The following SPON2 variants were observed in gnomAD, a reference collection of about 807,000 sequenced individuals.
SPON2 encodes spondin-2.
Under a neutral mutation model 29.9 loss-of-function variants are expected in SPON2, and 32 were observed. The observed-to-expected ratio is 1.07, with a 90% CI of 0.81 to 1.44. SPON2 has a LOEUF of 1.44. Among genes scored for constraint, SPON2 ranks in the 40% most tolerant of loss-of-function variants. The pLI is 0.00. For synonymous variants in SPON2, 248 were observed against 209.1 expected (o/e 1.19, Z -1.61); for missense variants, 541 against 455.5 (o/e 1.19, Z -1.71).
chr4:1,171,693 G>A (rs1356865723), intron 2 of SPON2, 159 bp downstream of exon 2: 11 of 768,618 alleles, frequency 1.4e-5, no homozygotes, highest in Non-Finnish European at 1.9e-5. Context: ...CCGCATCCCC[G>A]GAACCGCACA....
intron 1 of SPON2, among the ~76,000 whole-genome samples, chr4:1,194,741 C>T (rs951953180): frequency 6.6e-6 from 1 of 152,040 alleles, no homozygotes; most frequent in Non-Finnish European, 1.5e-5. Context: ...GAATGTGGGT[C>T]AGCGTTTCCA....
At chr4:1,203,265 C>G (rs1389046776) in intron 1 of SPON2, among the ~76,000 whole-genome samples, 1 of 152,204 alleles carries the variant, frequency 6.6e-6, no homozygotes, top group Non-Finnish European at 1.5e-5. Flanking sequence ...CCAGCTGTGC[C>G]CTCGCCCCCA....
chr4:1,190,731 A>T (rs1577907153), intron 1 of SPON2, among the ~76,000 whole-genome samples: 1 of 152,370 alleles, frequency 6.6e-6, no homozygotes, highest in East Asian at 1.9e-4. Context: ...ATCCATGCAA[A>T]AACATTGGAG....
At position 1,167,156 on chromosome 4, in the gene SPON2, C is replaced by T; in HGVS notation, c.*316G>A. ...GATGAAGGACAATCTCCTGGAGCAG[C>T]AATAACTTATAAGGAGACATAATTT... On this transcript the variant is annotated 3_prime_UTR_variant, in exon 6 of 6. Coordinates refer to ENST00000290902, the MANE Select transcript of SPON2 (RefSeq NM_012445.4). 1 of 286,072 alleles carries T rather than the reference C, an allele frequency of 3.5e-6. No individual in the cohort carries two copies. The highest frequency in any genetic ancestry group is 6.6e-6 in the Non-Finnish European group (1 of 152,460). The allele number at this position is 286,072 out of a possible 1,614,324, so 17.7% of individuals were successfully genotyped here.
intron 1 of SPON2, among the ~76,000 whole-genome samples, chr4:1,203,310 G>A (rs980200035): frequency 2.0e-5 from 3 of 152,204 alleles, no homozygotes; most frequent in Non-Finnish European, 2.9e-5. Context: ...CTGTGTCACC[G>A]TGGACCTGCC....
chr4:1,180,039 C>T (rs1013787307), intron 1 of SPON2, among the ~76,000 whole-genome samples: 1 of 152,014 alleles, frequency 6.6e-6, no homozygotes, highest in Non-Finnish European at 1.5e-5. Context: ...AAAATCCAAC[C>T]TATTTCTGAG....
chr4:1,197,516 C>T (rs911557209), upstream of SPON2, among the ~76,000 whole-genome samples: 17 of 152,052 alleles, frequency 1.1e-4, no homozygotes, highest in South Asian at 1.0e-3. Context: ...GCTAATGCAG[C>T]GCCCAGAGCC....
Position 1,167,566 on chromosome 4 carries a change from C to T in SPON2, c.902G>A (p.Arg301Lys), listed in dbSNP as rs1727282976. The T allele has an allele frequency of 1.9e-6, 3 of 1,613,492 alleles. No homozygotes were observed. The South Asian group carries it at 3.3e-5, about 18-fold the overall frequency. The part of the protein sequence containing the change: ...GHCGRLGTKS[R>K]TRYVRVQPAN... The stretch of plus-strand genomic sequence containing the variant: ...GGGCTGGACCCGGACGTAGCGAGTC[C>T]TGCTCTTGGTCCCGAGCCTCCCACA... Residue 301 changes from arginine (R) to lysine (K), a missense_variant, in exon 6 of 6, where the codon AGG (arginine) becomes AAG (lysine). Physicochemically the swap from Arg to Lys is conservative, Grantham distance 26. Coordinates refer to ENST00000290902, the MANE Select transcript of SPON2 (RefSeq NM_012445.4).
At chr4:1,176,839 G>GTTCATTCACACACTTCATTCA (rs200447740), upstream of SPON2, among the ~76,000 whole-genome samples, 21,531 of 147,632 alleles carry the variant, frequency 0.15, 2,293 homozygotes, top group African/African-American at 0.26. Flanking sequence ...CATTCACACA[G>GTTCATTCACACACTTCATTCA]TTCATTCACA....
intron 1 of SPON2, chr4:1,200,971 G>A (rs199854291): frequency 4.4e-6 from 2 of 456,766 alleles, no homozygotes; most frequent in Non-Finnish European, 8.8e-6. Flanking sequence ...CTGTACGCCA[G>A]GGCCTTCTAG....
At chr4:1,181,280 T>C (rs1389955500) in intron 1 of SPON2, among the ~76,000 whole-genome samples, 2 of 152,190 alleles carry the variant, frequency 1.3e-5, no homozygotes, top group African/African-American at 4.8e-5. Flanking sequence ...AAGAAGTTTA[T>C]ATCTGAAAAA....
chr4:1,191,462 C>T (rs1245898193), intron 1 of SPON2, among the ~76,000 whole-genome samples: 1 of 152,070 alleles, frequency 6.6e-6, no homozygotes, highest in Non-Finnish European at 1.5e-5. Context: ...AAAAATTAAC[C>T]ATGTATAAAA....
At chr4:1,187,821 G>A (rs1212141791) in intron 1 of SPON2, among the ~76,000 whole-genome samples, 3 of 151,938 alleles carry the variant, frequency 2.0e-5, no homozygotes, top group African/African-American at 7.3e-5. Context: ...TTTAAATCAG[G>A]TAGGAGAAAA....
upstream of SPON2, among the ~76,000 whole-genome samples, chr4:1,174,548 G>A (rs1727555334): frequency 1.3e-5 from 2 of 150,472 alleles, no homozygotes; most frequent in South Asian, 4.2e-4. Context: ...TGAGGACACT[G>A]AAGAACTTTT....
chr4:1,193,429 C>T (rs1313010830), intron 1 of SPON2, among the ~76,000 whole-genome samples: 1 of 151,562 alleles, frequency 6.6e-6, no homozygotes, highest in Admixed American at 6.6e-5. Flanking sequence ...TCAGTGGGCC[C>T]CACCCTGGGG....
rs947872977 is a variant in SPON2, at chr4:1,171,940, G to A, written c.132C>T (p.Ser44=). Residue 44 remains serine (S), a synonymous_variant, in exon 2 of 6, where the codon AGC becomes AGT. Coordinates refer to ENST00000290902, the MANE Select transcript of SPON2 (RefSeq NM_012445.4). ...GGCTCCACTTGCCCGTGAAGGTGATGCTGTATTTGGCCAGGGCTCTGGCGG... is the reference window on the plus strand; with the variant it reads ...GGCTCCACTTGCCCGTGAAGGTGATACTGTATTTGGCCAGGGCTCTGGCGG... ...ICSARALAKY[S]ITFTGKWSQT... 10 of 1,612,804 alleles carry A rather than the reference G, an allele frequency of 6.2e-6. No individual in the cohort carries two copies. The highest frequency in any genetic ancestry group is 1.1e-5 in the South Asian group (1 of 91,088).
At chr4:1,194,826 A>G (rs1728006712) in intron 1 of SPON2, among the ~76,000 whole-genome samples, 1 of 151,972 alleles carries the variant, frequency 6.6e-6, no homozygotes, top group Non-Finnish European at 1.5e-5. Flanking sequence ...CTCACCTCAC[A>G]GCCGGCGGTT....
rs528325805 is a variant in SPON2 at position 1,171,172 on chromosome 4, T to A, written c.463A>T (p.Ile155Phe). 6.5e-7 allele frequency: 1 copy of A among 1,545,784 alleles called. No homozygotes were observed. Among genetic ancestry groups the A allele is most frequent in the Admixed American group, 2.0e-5 (1 of 51,254 alleles). ...RHSLVSFVVR[I>F]VPSPDWFVGV... ...ACGAACCAGTCGGGGCTGGGCACGA[T>A]GCGCACCACAAACGAGACCTGCGGC... The change falls in exon 4 of 6, where the codon ATC becomes TTC. Residue 155 changes from isoleucine to phenylalanine, a missense_variant. Coordinates refer to ENST00000290902, the MANE Select transcript of SPON2 (RefSeq NM_012445.4).
intron 1 of SPON2, among the ~76,000 whole-genome samples, chr4:1,193,148 G>A (rs1727947532): frequency 6.6e-6 from 1 of 152,228 alleles, no homozygotes; most frequent in Non-Finnish European, 1.5e-5. Flanking sequence ...CACAGCACAT[G>A]TGCTCACACA....
Sources: allele counts gnomAD v4.1 joint callset (sites outside exome capture counted in the v4.1 genomes callset), GRCh38; gene constraint gnomAD v4.1.1; transcripts MANE v1.5; gene names NCBI Gene and HGNC (gene_info 2026-07-23, HGNC 2026-07-21).